FAM120B: variants seen among roughly 807,000 people sequenced by gnomAD.
The protein encoded by FAM120B is constitutive coactivator of peroxisome proliferator-activated receptor gamma.
In FAM120B, 83 loss-of-function variants were observed where a neutral mutation model predicts 96.3. The observed-to-expected ratio is 0.86, with a 90% CI of 0.72 to 1.03. FAM120B has a LOEUF of 1.03. FAM120B is among the 50% of genes least tolerant of loss of function. FAM120B has a pLI of 0.00. For synonymous variants in FAM120B, 407 were observed against 402.7 expected, an observed-to-expected ratio of 1.01 and a Z score of -0.13; for missense variants, 1,027 against 1,121.2, an observed-to-expected ratio of 0.92 and a Z score of 1.20.
intron 9 of FAM120B, among the ~76,000 whole-genome samples, chr6:170,399,336 G>A (rs55869466): frequency 1.8e-4 from 26 of 141,110 alleles, no homozygotes; most frequent in African/African-American, 6.7e-4. Flanking sequence ...GAGAAAGGTA[G>A]AACTATGTCA....
chr6:170,397,730 T>G (rs1289335244), intron 9 of FAM120B, among the ~76,000 whole-genome samples: 5 of 152,104 alleles, frequency 3.3e-5, no homozygotes, highest in Admixed American at 3.3e-4. Flanking sequence ...GCCTCATCCA[T>G]CCACACCTTC....
intron 6 of FAM120B, among the ~76,000 whole-genome samples, chr6:170,382,337 A>C (rs1789955675): frequency 6.6e-6 from 1 of 152,188 alleles, no homozygotes; most frequent in Admixed American, 6.5e-5. Flanking sequence ...CAGAGAGGTC[A>C]GGGCTCTGGT....
At chr6:170,325,152 C>T (rs1024765741) in intron 3 of FAM120B, among the ~76,000 whole-genome samples, 7 of 152,090 alleles carry the variant, frequency 4.6e-5, no homozygotes, top group Admixed American at 3.9e-4. Flanking sequence ...ATGAATCGAC[C>T]CTTTTAACAG....
intron 8 of FAM120B, 131 bp from the exon 9 acceptor site, chr6:170,395,356 C>T: frequency 1.4e-6 from 1 of 735,992 alleles, no homozygotes; most frequent in Non-Finnish European, 2.3e-6. Context: ...TGCGTTTTTT[C>T]ATGACCCTCC....
intron 5 of FAM120B, among the ~76,000 whole-genome samples, chr6:170,353,287 C>G (rs1312993780): frequency 6.6e-6 from 1 of 152,058 alleles, no homozygotes; most frequent in Non-Finnish European, 1.5e-5. Flanking sequence ...AAATCCAGAA[C>G]CAGATGGATT....
chr6:170,397,837 C>A (rs1419406675), intron 9 of FAM120B, among the ~76,000 whole-genome samples: 1 of 152,180 alleles, frequency 6.6e-6, no homozygotes, highest in Non-Finnish European at 1.5e-5. Context: ...TTCAGCAGAA[C>A]CCACCTGACC....
In FAM120B at chr6:170,377,121, T is replaced by C. The variant is rs148895176; in HGVS notation, c.2284-11166T>C. 7.4e-3 allele frequency among the ~76,000 whole-genome samples: 476 copies of C among 64,460 alleles called. 13 individuals carry two copies. The East Asian group carries it at 0.075, about 10-fold the overall frequency. The allele number at this position is 64,460 out of a possible 152,430, so 42.3% of individuals were successfully genotyped here. A position where few individuals can be genotyped will look rare whatever the true frequency, so the allele number is the denominator to read the frequency against. Reference sequence around the variant, plus strand: ...GTGCACACGCGTCCCTAATCCCAGATGCCTGGGAGAACACAGGCTCACGCT... The same window carrying C: ...GTGCACACGCGTCCCTAATCCCAGACGCCTGGGAGAACACAGGCTCACGCT... On this transcript the variant is annotated intron_variant, in intron 6 of 10. Transcript: ENST00000476287.
At chr6:170,358,550 C>T (rs971665864) in intron 6 of FAM120B, among the ~76,000 whole-genome samples, 1 of 152,224 alleles carries the variant, frequency 6.6e-6, no homozygotes, top group African/African-American at 2.4e-5. Flanking sequence ...TTGTAGTTCT[C>T]AATACTGCCT....
rs1275042460 is a variant in FAM120B at position 170,330,520 on chromosome 6, C to T, written c.1987C>T (p.Leu663Phe). The T allele has an allele frequency of 3.1e-6, 5 of 1,614,062 alleles. No homozygotes were observed. Among genetic ancestry groups the T allele is most frequent in the Non-Finnish European group, 4.2e-6 (5 of 1,180,002 alleles). The change falls in exon 4 of 11, where the codon CTC becomes TTC. Residue 663 changes from leucine to phenylalanine, a missense_variant. Physicochemically the swap from Leu to Phe is conservative, Grantham distance 22. Around this residue, in one of 3 missense-constraint regions of FAM120B, gnomAD observed 880 missense variants for 980.9 expected, o/e 0.90. Transcript: ENST00000476287. Reference protein sequence around the residue: ...YPGNPLRHPDLVRPLQMTIPG... With the variant: ...YPGNPLRHPDFVRPLQMTIPG... ...TGGGAACCCACTGAGGCACCCGGAC[C>T]TCGTCAGGCCGCTGCAGATGACCAT... is the stretch of plus-strand genomic sequence containing the variant.
intron 6 of FAM120B, among the ~76,000 whole-genome samples, chr6:170,361,224 A>ATATATACGTG (rs1562567047): frequency 3.5e-5 from 4 of 115,068 alleles, no homozygotes; most frequent in East Asian, 6.1e-4. Context: ...ATATATATAT[A>ATATATACGTG]TATATATATA....
At chr6:170,310,726 T>A (rs969152741) in intron 1 of FAM120B, among the ~76,000 whole-genome samples, 2 of 152,228 alleles carry the variant, frequency 1.3e-5, no homozygotes, top group African/African-American at 4.8e-5. Context: ...ATGGGACTTT[T>A]GGAGTAGACT....
At chr6:170,384,725 C>T (rs1001432040) in intron 6 of FAM120B, among the ~76,000 whole-genome samples, 11 of 152,202 alleles carry the variant, frequency 7.2e-5, no homozygotes, top group Non-Finnish European at 7.3e-5. Context: ...AAACTGTAGC[C>T]AGTAGGCCAA....
chr6:170,293,709 C>T (rs1275139185), upstream of FAM120B, among the ~76,000 whole-genome samples: 1 of 151,702 alleles, frequency 6.6e-6, no homozygotes, highest in South Asian at 2.1e-4. Context: ...TCCTACTCCA[C>T]CTCCTTCCTC....
chr6:170,380,571 G>T (rs191049402), intron 6 of FAM120B, among the ~76,000 whole-genome samples: 1 of 152,348 alleles, frequency 6.6e-6, no homozygotes, highest in Admixed American at 6.5e-5. Flanking sequence ...ATTTCACACC[G>T]TGGGTTTGAT....
chr6:170,337,029 T>A (rs931594158), intron 4 of FAM120B, among the ~76,000 whole-genome samples: 2 of 152,218 alleles, frequency 1.3e-5, no homozygotes, highest in African/African-American at 2.4e-5. Context: ...TTTTATTTCT[T>A]TTTCTTGCCT....
chr6:170,369,837 T>C (rs1789065094), intron 6 of FAM120B, among the ~76,000 whole-genome samples: 1 of 152,176 alleles, frequency 6.6e-6, no homozygotes, highest in Admixed American at 6.5e-5. Context: ...TCTTTTATAA[T>C]TTCCATGGAA....
intron 6 of FAM120B, among the ~76,000 whole-genome samples, chr6:170,380,748 C>A (rs1283500129): frequency 6.6e-6 from 1 of 152,160 alleles, no homozygotes; most frequent in African/African-American, 2.4e-5. Context: ...TGGATGTTAG[C>A]CCCTTATTAG....
At chr6:170,328,695 T>A (rs913397696) in intron 3 of FAM120B, among the ~76,000 whole-genome samples, 6 of 152,226 alleles carry the variant, frequency 3.9e-5, no homozygotes, top group Non-Finnish European at 7.3e-5. Flanking sequence ...AGCGTTTTTT[T>A]AAATAAGATT....
At chr6:170,383,609 G>A (rs1291181335) in intron 6 of FAM120B, among the ~76,000 whole-genome samples, 8 of 152,250 alleles carry the variant, frequency 5.3e-5, no homozygotes, top group East Asian at 1.9e-4. Context: ...CACTACACAC[G>A]GATTAGAGCA....
Sources: gnomAD v4.1 joint callset for allele counts (sites outside exome capture counted in the v4.1 genomes callset) on GRCh38, gnomAD v4.1.1 for gene constraint, gnomAD v4.1.1 regional missense constraint, MANE v1.5 for transcripts, NCBI Gene and HGNC (gene_info 2026-07-23, HGNC 2026-07-21) for gene names.